LIN7C: variants seen among roughly 807,000 people sequenced by gnomAD.
LIN7C encodes the protein protein lin-7 homolog C.
LIN7C carries 17 observed loss-of-function variants against 24.7 expected under a neutral mutation model. That is an observed-to-expected ratio of 0.69 (90% CI 0.47 to 1.03). The LOEUF (loss-of-function observed/expected upper bound fraction) is 1.03, where lower values mean the gene tolerates loss of function less well. Among genes scored for constraint, LIN7C ranks in the 50% least tolerant of loss-of-function variants. The probability of loss-of-function intolerance (pLI) is 0.00; values close to 1 mark genes in which losing one functional copy is unlikely to be tolerated. For missense variants in LIN7C, 204 were observed against 239.0 expected (o/e 0.85, Z 0.97); for synonymous variants, 90 against 83.4 (o/e 1.08, Z -0.43).
chr11:27,502,139 T>C (rs1428243841), intron 1 of LIN7C, among the ~76,000 whole-genome samples: 9 of 152,202 alleles, frequency 5.9e-5, no homozygotes, highest in African/African-American at 2.2e-4. Flanking sequence ...AATTTTACAG[T>C]AGATAGGAAA....
chr11:27,499,616 GTTCT>G (rs1196092799), intron 3 of LIN7C, 48 bp from the exon 4 acceptor site: 1 of 1,519,200 alleles, frequency 6.6e-7, no homozygotes. Flanking sequence ...ATTTACTTCA[GTTCT>G]TTCATCTTTT....
chr11:27,497,084 A>G lies in LIN7C; in HGVS notation c.*1565T>C, dbSNP rs1865178677. The G allele has an allele frequency of 6.6e-6, 1 of 152,582 alleles. No homozygotes were observed. Among genetic ancestry groups the G allele is most frequent in the Non-Finnish European group, 1.5e-5 (1 of 67,984 alleles). 9.5% of individuals were successfully genotyped at this position (152,582 alleles called of 1,614,324 possible). A position where few individuals can be genotyped will look rare whatever the true frequency, so the allele number is the denominator to read the frequency against. ...AAGCACATTTTGTAGTGGATTAAAGACACATTCAACCATGCAATCCAGTGT... is the reference window on the plus strand; with the variant it reads ...AAGCACATTTTGTAGTGGATTAAAGGCACATTCAACCATGCAATCCAGTGT... On this transcript the variant is annotated 3_prime_UTR_variant, in exon 5 of 5. Transcript: ENST00000278193.
chr11:27,505,158 C>A lies in LIN7C; in HGVS notation c.37+1558G>T, dbSNP rs113389966. On this transcript the variant is annotated intron_variant, in intron 1 of 4. Transcript: ENST00000278193. ...GACCAGCCTGGGCAACACGGTGAAA[C>A]CCCGTCTCTACTAAAATACAAAAAA... Among the ~76,000 whole-genome samples the A allele has an allele frequency of 3.7e-3, 562 of 152,262 alleles. 2 individuals are homozygous for A. Among genetic ancestry groups the A allele is most frequent in the Middle Eastern group, 0.02 (6 of 294 alleles).
chr11:27,503,552 T>A (rs1216654183), intron 1 of LIN7C, among the ~76,000 whole-genome samples: 3 of 152,170 alleles, frequency 2.0e-5, no homozygotes. Context: ...CTCACTCTGT[T>A]GCCCAGGCTG....
At chr11:27,505,085 C>T (rs546532157) in intron 1 of LIN7C, among the ~76,000 whole-genome samples, 48 of 152,338 alleles carry the variant, frequency 3.2e-4, no homozygotes, top group Non-Finnish European at 5.1e-4. Context: ...GTAATCCTAG[C>T]ACTTTGGGAA....
At chr11:27,502,012 C>A in intron 1 of LIN7C, 92 bp from the exon 2 acceptor site, 2 of 747,854 alleles carry the variant, frequency 2.7e-6, no homozygotes, top group South Asian at 3.5e-5. Context: ...TCCTCAAGGG[C>A]AAATAATATA....
intron 3 of LIN7C, among the ~76,000 whole-genome samples, chr11:27,500,448 G>T (rs997563390): frequency 1.3e-5 from 2 of 152,128 alleles, no homozygotes; most frequent in African/African-American, 4.8e-5. Context: ...TGTTGCTTTA[G>T]TTAACTAGAC....
intron 3 of LIN7C, among the ~76,000 whole-genome samples, chr11:27,501,120 CTCA>C (rs910863252): frequency 1.3e-5 from 2 of 152,024 alleles, no homozygotes; most frequent in Non-Finnish European, 2.9e-5. Flanking sequence ...CTCATGCTTC[CTCA>C]TCAATAAGAT....
Position 27,506,425 on chromosome 11 carries a change from C to T in LIN7C, c.37+291G>A, listed in dbSNP as rs188711613. Among the ~76,000 whole-genome samples, 584 of 152,332 alleles carry T rather than the reference C, an allele frequency of 3.8e-3. 6 individuals carry two copies. Among genetic ancestry groups the T allele is most frequent in the Middle Eastern group, 0.01 (3 of 294 alleles). ...GTCTCCGAATGCTGCTTCTGCTGTG[C>T]TCACCAAGGGAGCGCGTGTGCGGCG... is the stretch of plus-strand genomic sequence containing the variant. On this transcript the variant is annotated intron_variant, in intron 1 of 4. Transcript: ENST00000278193.
At chr11:27,505,054 C>A (rs972922968) in intron 1 of LIN7C, among the ~76,000 whole-genome samples, 3 of 152,198 alleles carry the variant, frequency 2.0e-5, no homozygotes, top group African/African-American at 7.2e-5. Context: ...AAAGACCGGC[C>A]GGGTGCAGTG....
chr11:27,506,622 G>C (rs1865305110), intron 1 of LIN7C, 94 bp downstream of exon 1: 2 of 1,426,860 alleles, frequency 1.4e-6, no homozygotes, highest in Non-Finnish European at 2.0e-6. Flanking sequence ...GCGTGGCCCG[G>C]ATCTCAGAGC....
At chr11:27,499,289 C>A (rs1480893450) in intron 4 of LIN7C, 70 bp downstream of exon 4, 7 of 1,282,854 alleles carry the variant, frequency 5.5e-6, no homozygotes, top group Non-Finnish European at 1.1e-6. Flanking sequence ...TTAGGTTTCT[C>A]CTATTACTCA....
chr11:27,501,892 T>G lies in LIN7C; in HGVS notation c.66A>C (p.Glu22Asp). The G allele has an allele frequency of 6.2e-7, 1 of 1,609,310 alleles. No individual in the cohort carries two copies. The highest frequency in any genetic ancestry group is 8.5e-7 in the Non-Finnish European group (1 of 1,175,772). ...RDICRAIELL[E>D]KLQRSGEVPP... Reference sequence around the variant, plus strand: ...GTACTTCTCCACTCCTTTGTAGTTTTTCCAATAATTCAATTGCTCTACAAA... The same window carrying G: ...GTACTTCTCCACTCCTTTGTAGTTTGTCCAATAATTCAATTGCTCTACAAA... Residue 22 changes from glutamate (E) to aspartate (D), a missense_variant, in exon 2 of 5, where the codon GAA becomes GAC. Transcript: ENST00000278193.
Position 27,495,472 on chromosome 11 carries a change from C to CA in LIN7C, c.*3176dup, listed in dbSNP as rs1431151532. 2.5e-3 allele frequency: 352 copies of CA among 140,970 alleles called. 1 individual carries two copies. Among genetic ancestry groups the CA allele is most frequent in the Middle Eastern group, 7.1e-3 (2 of 282 alleles). 8.7% of individuals were successfully genotyped at this position (140,970 alleles called of 1,614,324 possible). A position where few individuals can be genotyped will look rare whatever the true frequency, so the allele number is the denominator to read the frequency against. ...TGGGCAACAGAGCAAGACTCTGTCT[C>CA]AAAAAAAAACAAAAACAAAAAACAA... On this transcript the variant is annotated 3_prime_UTR_variant, in exon 5 of 5. Coordinates refer to ENST00000278193, the MANE Select transcript of LIN7C (RefSeq NM_018362.4).
At chr11:27,505,995 T>A (rs1865284627) in intron 1 of LIN7C, among the ~76,000 whole-genome samples, 1 of 152,220 alleles carries the variant, frequency 6.6e-6, no homozygotes, top group South Asian at 2.1e-4. Flanking sequence ...CTATCTCTAA[T>A]TACTCAGCAG....
chr11:27,503,687 T>A (rs552454461), intron 1 of LIN7C, among the ~76,000 whole-genome samples: 1 of 152,232 alleles, frequency 6.6e-6, no homozygotes, highest in South Asian at 2.1e-4. Context: ...CTAATTTTTG[T>A]ATTTTTAGTA....
In LIN7C at chr11:27,498,031, A is replaced by G. The variant is rs1229039528; in HGVS notation, c.*618T>C. ...CATAAATCAGTATAAATGAATATCC[A>G]TTATATATTATGTTTAAGTAAAAGT... is the stretch of plus-strand genomic sequence containing the variant. On this transcript the variant is annotated 3_prime_UTR_variant, in exon 5 of 5. Transcript: ENST00000278193. 6.6e-6 allele frequency: 1 copy of G among 152,160 alleles called. No individual in the cohort carries two copies. The highest frequency in any genetic ancestry group is 2.4e-5 in the African/African-American group (1 of 41,454). The allele number at this position is 152,160 out of a possible 1,614,324, so 9.4% of individuals were successfully genotyped here. A position where few individuals can be genotyped will look rare whatever the true frequency, so the allele number is the denominator to read the frequency against.
Position 27,498,820 on chromosome 11 carries a change from A to G in LIN7C, c.439-16T>C, listed in dbSNP as rs780301175. On this transcript the variant is annotated splice_polypyrimidine_tract_variant and intron_variant, in intron 4 of 4. Coordinates refer to ENST00000278193, the MANE Select transcript of LIN7C (RefSeq NM_018362.4). ...CTTCAACACTCTAGGGGAAAAAAAA[A>G]CAACCAACCATACACTAATATCTAA... 8.7e-6 allele frequency: 14 copies of G among 1,606,758 alleles called. No individual in the cohort carries two copies. Among genetic ancestry groups the G allele is most frequent in the African/African-American group, 1.3e-5 (1 of 74,476 alleles).
intron 3 of LIN7C, among the ~76,000 whole-genome samples, chr11:27,500,150 G>A (rs1302280634): frequency 6.6e-6 from 1 of 152,130 alleles, no homozygotes; most frequent in African/African-American, 2.4e-5. Context: ...TCCTGTATGC[G>A]CAGGGCTTGG....
Sources: gnomAD v4.1 joint callset for allele counts (sites outside exome capture counted in the v4.1 genomes callset) on GRCh38, gnomAD v4.1.1 for gene constraint, MANE v1.5 for transcripts, NCBI Gene and HGNC (gene_info 2026-07-23, HGNC 2026-07-21) for gene names.